Variants in EYS observed in about 807,000 individuals in gnomAD.
The protein encoded by EYS is EGF-like photoreceptor maintenance factor.
EYS carries 250 observed loss-of-function variants against 282.1 expected under a neutral mutation model. The observed-to-expected ratio is 0.89, with a 90% CI of 0.80 to 0.98. The LOEUF is 0.98. Ranked by LOEUF, EYS falls within the 50% of genes least tolerant of loss-of-function variation. The pLI, the probability that EYS is intolerant of heterozygous loss-of-function variation, is 0.00. For missense variants in EYS, 4,016 were observed against 3,709.0 expected, an observed-to-expected ratio of 1.08 and a Z score of -2.15; for synonymous variants, 1,355 against 1,282.9, an observed-to-expected ratio of 1.06 and a Z score of -1.20.
intron 41 of EYS, 134 bp downstream of exon 41, chr6:63,762,327 T>C (rs555327171): frequency 2.1e-5 from 17 of 803,414 alleles, no homozygotes; most frequent in African/African-American, 3.5e-5. Flanking sequence ...ATGTCAAATA[T>C]ACTAGAAAAA....
intron 5 of EYS, among the ~76,000 whole-genome samples, chr6:65,450,588 G>A (rs772319745): frequency 3.9e-5 from 6 of 152,094 alleles, no homozygotes; most frequent in Non-Finnish European, 8.8e-5. Flanking sequence ...AAGTGGAAGT[G>A]GCCTAGGCCT....
In EYS at chr6:63,806,390, C is replaced by G; in HGVS notation, c.7229-18G>C. On this transcript the variant is annotated intron_variant, in intron 36 of 42. Coordinates refer to ENST00000503581, the MANE Select transcript of EYS (RefSeq NM_001142800.2). ...ATTAATAGCTGTGAAAAAACCCAAA[C>G]CAAACAGTTAAAATAAACCTGTACA... 1.3e-6 allele frequency: 2 copies of G among 1,512,746 alleles called. No individual in the cohort carries two copies. Among genetic ancestry groups the G allele is most frequent in the East Asian group, 2.5e-5 (1 of 40,402 alleles). 93.7% of individuals were successfully genotyped at this position (1,512,746 alleles called of 1,614,324 possible). A position where few individuals can be genotyped will look rare whatever the true frequency, so the allele number is the denominator to read the frequency against.
intron 33 of EYS, among the ~76,000 whole-genome samples, chr6:64,017,399 C>A (rs898632790): frequency 6.6e-6 from 1 of 152,056 alleles, no homozygotes; most frequent in Non-Finnish European, 1.5e-5. Context: ...TGCATTACTA[C>A]AATACGAGAT....
intron 2 of EYS, among the ~76,000 whole-genome samples, chr6:65,571,066 C>G (rs775561976): frequency 2.6e-5 from 4 of 151,938 alleles, no homozygotes; most frequent in Non-Finnish European, 5.9e-5. Flanking sequence ...ATATATTACA[C>G]ATATTATACT....
At chr6:64,887,508 A>G (rs1767135854) in intron 18 of EYS, among the ~76,000 whole-genome samples, 1 of 152,086 alleles carries the variant, frequency 6.6e-6, no homozygotes, top group African/African-American at 2.4e-5. Context: ...CTTAGCAAAA[A>G]TATCTCTTCA....
intron 12 of EYS, among the ~76,000 whole-genome samples, chr6:65,284,700 T>C (rs1768312272): frequency 6.6e-6 from 1 of 152,116 alleles, no homozygotes. Context: ...TTATACTTGA[T>C]ACCTTATGCC....
chr6:64,000,116 C>T (rs564590912), intron 33 of EYS, among the ~76,000 whole-genome samples: 5 of 131,000 alleles, frequency 3.8e-5, no homozygotes, highest in African/African-American at 5.8e-5. Context: ...TTTTTTATTT[C>T]GATCAGACCT....
chr6:64,658,976 A>G (rs1250825975), intron 22 of EYS, among the ~76,000 whole-genome samples: 1 of 152,232 alleles, frequency 6.6e-6, no homozygotes, highest in Non-Finnish European at 1.5e-5. Flanking sequence ...AAAATTGACC[A>G]CATAGTTGGA....
At position 65,213,097 on chromosome 6, in the gene EYS, C is replaced by T. The variant is rs148663647; in HGVS notation, c.2023+82766G>A. Among the ~76,000 whole-genome samples the T allele has an allele frequency of 2.1e-3, 313 of 152,094 alleles. 1 individual carries two copies. The highest frequency in any genetic ancestry group is 7.3e-3 in the African/African-American group (301 of 41,506). On this transcript the variant is annotated intron_variant, in intron 12 of 42. Transcript: ENST00000503581. ...GCATGTTATTTTATAGTCAGAAACA[C>T]TTCTTTTAAACAAAATTAGCATATA... is the stretch of plus-strand genomic sequence containing the variant.
chr6:63,816,688 G>A (rs569747030), intron 36 of EYS, among the ~76,000 whole-genome samples: 1 of 152,156 alleles, frequency 6.6e-6, no homozygotes, highest in South Asian at 2.1e-4. Context: ...ACTTCTTCAG[G>A]GTGCAAATCT....
At chr6:65,530,659 C>A (rs977454102) in intron 2 of EYS, among the ~76,000 whole-genome samples, 2 of 152,020 alleles carry the variant, frequency 1.3e-5, no homozygotes, top group African/African-American at 4.8e-5. Flanking sequence ...AATATACCTG[C>A]CATCTTGACA....
chr6:65,153,294 A>G lies in EYS; in HGVS notation c.2024-95567T>C, dbSNP rs73768150. Among the ~76,000 whole-genome samples, 1,346 of 151,458 alleles carry G rather than the reference A, an allele frequency of 8.9e-3. 13 individuals are homozygous for G. Among genetic ancestry groups the G allele is most frequent in the African/African-American group, 0.031 (1,276 of 41,348 alleles). ...TTCCAGTCAATATTTTTATGCAAGGAAGAGCCTAAGCAAAGGACTCAATTG... is the reference window on the plus strand; with the variant it reads ...TTCCAGTCAATATTTTTATGCAAGGGAGAGCCTAAGCAAAGGACTCAATTG... On this transcript the variant is annotated intron_variant, in intron 12 of 42. Coordinates refer to ENST00000503581, the MANE Select transcript of EYS (RefSeq NM_001142800.2).
At chr6:63,857,992 G>A (rs1382163296) in intron 36 of EYS, among the ~76,000 whole-genome samples, 1 of 152,076 alleles carries the variant, frequency 6.6e-6, no homozygotes, top group Non-Finnish European at 1.5e-5. Context: ...ACGTGAGGGG[G>A]AGTAAAAGTA....
intron 12 of EYS, among the ~76,000 whole-genome samples, chr6:65,144,170 A>G (rs1337847829): frequency 6.6e-6 from 1 of 152,098 alleles, no homozygotes; most frequent in Non-Finnish European, 1.5e-5. Flanking sequence ...TTTCAAGAGA[A>G]GAGACATATT....
intron 30 of EYS, among the ~76,000 whole-genome samples, chr6:64,292,621 CTT>C (rs2150366375): frequency 6.6e-6 from 1 of 152,074 alleles, no homozygotes; most frequent in South Asian, 2.1e-4. Flanking sequence ...ATATTTACAT[CTT>C]TGTTTTTTTG....
intron 26 of EYS, among the ~76,000 whole-genome samples, chr6:64,586,532 G>C (rs1228807909): frequency 2.0e-5 from 3 of 151,846 alleles, no homozygotes; most frequent in South Asian, 2.1e-4. Context: ...GGTATGATTA[G>C]GAAATATTAA....
chr6:65,547,314 T>A (rs1768427470), intron 2 of EYS, among the ~76,000 whole-genome samples: 1 of 151,802 alleles, frequency 6.6e-6, no homozygotes, highest in African/African-American at 2.4e-5. Context: ...CTAAAAACTA[T>A]ATAAGCCCTC....
intron 5 of EYS, among the ~76,000 whole-genome samples, chr6:65,455,675 C>T (rs77274953): frequency 1.4e-4 from 22 of 151,944 alleles, no homozygotes; most frequent in African/African-American, 3.1e-4. Flanking sequence ...TTTCTGGATA[C>T]GTACACTCTG....
intron 31 of EYS, among the ~76,000 whole-genome samples, chr6:64,105,794 C>A (rs1171985969): frequency 6.6e-6 from 1 of 152,084 alleles, no homozygotes; most frequent in Non-Finnish European, 1.5e-5. Flanking sequence ...AATAGTATTC[C>A]ACTGTCTGGA....
Sources: allele counts gnomAD v4.1 joint callset (sites outside exome capture counted in the v4.1 genomes callset), GRCh38; gene constraint gnomAD v4.1.1; transcripts MANE v1.5; gene names NCBI Gene and HGNC (gene_info 2026-07-23, HGNC 2026-07-21).